Variants in REV3L observed in about 807,000 individuals in gnomAD.
The protein encoded by REV3L is DNA polymerase zeta catalytic subunit.
A neutral mutation model predicts 299.4 loss-of-function variants in REV3L; 69 were observed. That is an observed-to-expected ratio of 0.23 (90% CI 0.19 to 0.28). The LOEUF is 0.28. REV3L is among the 10% of genes least tolerant of loss of function. REV3L has a pLI of 1.00. For synonymous variants in REV3L, 1,238 were observed against 1,271.4 expected (o/e 0.97, Z 0.56); for missense variants, 3,128 against 3,693.8 (o/e 0.85, Z 3.97).
intron 1 of REV3L, among the ~76,000 whole-genome samples, chr6:111,430,041 G>A (rs746151110): frequency 6.6e-6 from 1 of 152,124 alleles, no homozygotes; most frequent in Middle Eastern, 3.2e-3. Flanking sequence ...AGACAAGCAG[G>A]TTCCAGGGGA....
intron 20 of REV3L, 46 bp from the exon 21 acceptor site, chr6:111,344,089 G>A: frequency 2.3e-6 from 3 of 1,325,836 alleles, no homozygotes; most frequent in South Asian, 1.3e-5. Context: ...TTACATTTAT[G>A]TAGCAAATTT....
chr6:111,344,095 A>G, intron 20 of REV3L, 52 bp from the exon 21 acceptor site: 1 of 1,273,390 alleles, frequency 7.9e-7, no homozygotes, highest in Non-Finnish European at 1.1e-6. Flanking sequence ...TTATGTAGCA[A>G]ATTTGGTTCT....
intron 2 of REV3L, among the ~76,000 whole-genome samples, chr6:111,414,677 C>A (rs557900020): frequency 6.6e-6 from 1 of 152,224 alleles, no homozygotes; most frequent in Non-Finnish European, 1.5e-5. Context: ...CTCAAATGTT[C>A]CTGTATGAGC....
intron 21 of REV3L, among the ~76,000 whole-genome samples, chr6:111,343,709 T>C (rs931471641): frequency 1.3e-5 from 2 of 152,134 alleles, no homozygotes; most frequent in African/African-American, 4.8e-5. Flanking sequence ...TTTGTATTTT[T>C]AGTAGAGATG....
At chr6:111,351,584 G>C in intron 19 of REV3L, 92 bp downstream of exon 19, 1 of 825,502 alleles carries the variant, frequency 1.2e-6, no homozygotes, top group Non-Finnish European at 1.9e-6. Flanking sequence ...AAAAAATTGG[G>C]CTACAGCATA....
intron 20 of REV3L, among the ~76,000 whole-genome samples, chr6:111,347,307 G>T (rs1164997381): frequency 6.6e-6 from 1 of 150,990 alleles, no homozygotes. Context: ...TATATATAAT[G>T]AAATATACAC....
chr6:111,357,149 T>C, intron 17 of REV3L, 24 bp from the exon 18 acceptor site: 1 of 1,046,050 alleles, frequency 9.6e-7, no homozygotes, highest in Non-Finnish European at 1.4e-6. Context: ...AAAATGTCTA[T>C]TATATATAAC....
At chr6:111,353,988 T>C (rs1777833861) in intron 18 of REV3L, 3 of 152,172 alleles carry the variant, frequency 2.0e-5, no homozygotes, top group Non-Finnish European at 4.4e-5. Flanking sequence ...CTTGAAGCAT[T>C]CTCATACAAA....
chr6:111,390,982 C>G (rs17539441), intron 5 of REV3L, among the ~76,000 whole-genome samples: 1 of 151,704 alleles, frequency 6.6e-6, no homozygotes, highest in Non-Finnish European at 1.5e-5. Context: ...AAATGGACAC[C>G]AAGTGGAAAA....
intron 1 of REV3L, among the ~76,000 whole-genome samples, chr6:111,453,507 T>C (rs1789797509): frequency 6.6e-6 from 1 of 152,132 alleles, no homozygotes; most frequent in Non-Finnish European, 1.5e-5. Flanking sequence ...GATAGGAACA[T>C]CATTCTAAGC....
chr6:111,477,573 G>C (rs1793087563), intron 1 of REV3L, among the ~76,000 whole-genome samples: 1 of 152,174 alleles, frequency 6.6e-6, no homozygotes, highest in African/African-American at 2.4e-5. Flanking sequence ...AAGAACAAGG[G>C]ACTGAGATAA....
At chr6:111,352,499 C>T (rs1181447982) in intron 18 of REV3L, among the ~76,000 whole-genome samples, 1 of 151,880 alleles carries the variant, frequency 6.6e-6, no homozygotes, top group Non-Finnish European at 1.5e-5. Flanking sequence ...GAAAAAGATC[C>T]CTAGGTCATT....
At chr6:111,474,254 G>A (rs534066891) in intron 1 of REV3L, among the ~76,000 whole-genome samples, 2 of 152,146 alleles carry the variant, frequency 1.3e-5, no homozygotes, top group Non-Finnish European at 2.9e-5. Flanking sequence ...ACCTTGCAGA[G>A]CATATCAAAC....
At chr6:111,414,922 G>T (rs534243255) in intron 2 of REV3L, among the ~76,000 whole-genome samples, 9 of 152,054 alleles carry the variant, frequency 5.9e-5, no homozygotes, top group Admixed American at 5.9e-4. Flanking sequence ...TTAATTCCTT[G>T]GTCTTTTCTA....
In REV3L at chr6:111,357,095, C is replaced by G. The variant is rs1418208866; in HGVS notation, c.7103G>C (p.Arg2368Thr). Residue 2368 changes from arginine (R) to threonine (T), a missense_variant, in exon 18 of 32, where the codon AGA (arginine) becomes ACA (threonine). This residue lies in a region of REV3L where 82 missense variants were observed against 142.7 expected (regional missense o/e 0.57). Coordinates refer to ENST00000368802, the MANE Select transcript of REV3L (RefSeq NM_001372078.1). Reference sequence around the variant, plus strand: ...GACTTCGAGTCCTGTAATTCCAGATCTAATAAGTAATGGAGTCTGATATCT... The same window carrying G: ...GACTTCGAGTCCTGTAATTCCAGATGTAATAAGTAATGGAGTCTGATATCT... ...DIRYQTPLLI[R>T]SGITGLEVTY... 1 of 1,593,472 alleles carries G rather than the reference C, an allele frequency of 6.3e-7. No homozygotes were observed. Among genetic ancestry groups the G allele is most frequent in the East Asian group, 2.3e-5 (1 of 44,316 alleles).
rs1240749110 is a variant in REV3L at position 111,376,720 on chromosome 6, A to G, written c.1635T>C (p.Ser545=). 1.3e-6 allele frequency: 2 copies of G among 1,599,128 alleles called. No individual in the cohort carries two copies. The highest frequency in any genetic ancestry group is 3.4e-5 in the Admixed American group (2 of 58,966). Residue 545 remains serine, a synonymous_variant, in exon 13 of 32, where the codon TCT becomes TCC. Transcript: ENST00000368802. The part of the protein sequence containing the change: ...PLNNENSRTH[S]SVIATSKLSV... ...AAAGCTTGCTTGTTGCAATTACAGAAGAGTGGGTTCTAGAATTTTCATTGT... is the reference window on the plus strand; with the variant it reads ...AAAGCTTGCTTGTTGCAATTACAGAGGAGTGGGTTCTAGAATTTTCATTGT...
intron 1 of REV3L, among the ~76,000 whole-genome samples, chr6:111,473,022 C>T (rs1291052029): frequency 6.6e-6 from 1 of 152,154 alleles, no homozygotes. Flanking sequence ...TTTACTGTTC[C>T]TTAACTCCCA....
intron 4 of REV3L, among the ~76,000 whole-genome samples, chr6:111,397,956 T>C (rs1469429795): frequency 6.6e-6 from 1 of 151,486 alleles, no homozygotes; most frequent in African/African-American, 2.4e-5. Context: ...TGTTTCTTTT[T>C]TGATTTTCTG....
intron 11 of REV3L, 121 bp from the exon 12 acceptor site, chr6:111,377,964 A>G (rs980382620): frequency 4.1e-6 from 3 of 738,910 alleles, no homozygotes; most frequent in Non-Finnish European, 6.1e-6. Context: ...TAATGTATCT[A>G]AGTTACTCTA....
Sources: gnomAD v4.1 joint callset for allele counts (sites outside exome capture counted in the v4.1 genomes callset) on GRCh38, gnomAD v4.1.1 for gene constraint, gnomAD v4.1.1 regional missense constraint, MANE v1.5 for transcripts, NCBI Gene and HGNC (gene_info 2026-07-23, HGNC 2026-07-21) for gene names.